CMIP: variants seen among roughly 807,000 people sequenced by gnomAD.
CMIP encodes the protein c-Maf inducing protein.
Under a neutral mutation model 97.3 loss-of-function variants are expected in CMIP, and 13 were observed. That is an observed-to-expected ratio of 0.13 (90% CI 0.09 to 0.21). The LOEUF (loss-of-function observed/expected upper bound fraction) is 0.21. Among genes scored for constraint, CMIP ranks in the 10% least tolerant of loss-of-function variants. CMIP has a pLI of 1.00. For missense variants in CMIP, 847 were observed against 1,024.9 expected, an observed-to-expected ratio of 0.83 and a Z score of 2.37; for synonymous variants, 538 against 436.3, an observed-to-expected ratio of 1.23 and a Z score of -2.91.
intron 1 of CMIP, among the ~76,000 whole-genome samples, chr16:81,477,826 C>G (rs1908021852): frequency 6.6e-6 from 1 of 152,210 alleles, no homozygotes; most frequent in Non-Finnish European, 1.5e-5. Context: ...TTTTGCCTGC[C>G]TTCCAGTTAG....
chr16:81,549,176 G>A (rs1359492918), intron 1 of CMIP, among the ~76,000 whole-genome samples: 1 of 152,370 alleles, frequency 6.6e-6, no homozygotes, highest in African/African-American at 2.4e-5. Flanking sequence ...CAGACCCTAA[G>A]TGCAGGTTGC....
At chr16:81,603,553 T>C (rs2091692998) in intron 1 of CMIP, 1 of 424,540 alleles carries the variant, frequency 2.4e-6, no homozygotes, top group Non-Finnish European at 4.7e-6. Flanking sequence ...GATACATGAT[T>C]GCCGAAGTCC....
intron 1 of CMIP, among the ~76,000 whole-genome samples, chr16:81,452,885 G>GTTTTTTTTTTTTTTTT (rs558606255): frequency 1.0e-3 from 131 of 129,176 alleles, no homozygotes; most frequent in Non-Finnish European, 1.5e-3. Context: ...TTTTTGTTTT[G>GTTTTTTTTTTTTTTTT]TTTTTTTTTT....
At chr16:81,461,604 G>C (rs748042200) in intron 1 of CMIP, among the ~76,000 whole-genome samples, 4 of 152,216 alleles carry the variant, frequency 2.6e-5, no homozygotes, top group Non-Finnish European at 5.9e-5. Context: ...GCCCAGAGTC[G>C]TTAAATGACC....
At chr16:81,537,505 A>T (rs910967860) in intron 1 of CMIP, among the ~76,000 whole-genome samples, 3 of 138,176 alleles carry the variant, frequency 2.2e-5, no homozygotes, top group African/African-American at 8.2e-5. Flanking sequence ...ACCGTACTCC[A>T]GCTTGGGTGA....
intron 1 of CMIP, among the ~76,000 whole-genome samples, chr16:81,492,647 G>A (rs2089423566): frequency 6.6e-6 from 1 of 152,148 alleles, no homozygotes; most frequent in Admixed American, 6.5e-5. Context: ...AAGGCGCCTT[G>A]GGAGGAGGAG....
chr16:81,668,477 T>C (rs1447969579), intron 7 of CMIP, among the ~76,000 whole-genome samples: 2 of 152,176 alleles, frequency 1.3e-5, no homozygotes, highest in East Asian at 3.9e-4. Flanking sequence ...GAGCTCTCTG[T>C]GCCGTGGCCC....
At chr16:81,649,761 C>T (rs2092405976) in intron 3 of CMIP, among the ~76,000 whole-genome samples, 1 of 152,182 alleles carries the variant, frequency 6.6e-6, no homozygotes, top group Non-Finnish European at 1.5e-5. Context: ...AAATGTAAGA[C>T]ACGGGTGTGG....
At position 81,525,992 on chromosome 16, in the gene CMIP, G is replaced by GTC. The variant is rs1307791442; in HGVS notation, c.300+80452_300+80453insCT. On this transcript the variant is annotated intron_variant, in intron 1 of 20. Coordinates refer to ENST00000537098, the MANE Select transcript of CMIP (RefSeq NM_198390.3). ...ACTAATAATACGTGTGTGTGTGTGT[G>GTC]TGTGTGTGTGTGTGTCTGTGTGTGT... 6.6e-4 allele frequency among the ~76,000 whole-genome samples: 22 copies of GTC among 33,256 alleles called. No individual in the cohort carries two copies. The East Asian group carries it at 8.5e-3, about 13-fold the overall frequency. The allele number at this position is 33,256 out of a possible 152,430, so 21.8% of individuals were successfully genotyped here.
chr16:81,556,823 A>C (rs1288655485), intron 1 of CMIP, among the ~76,000 whole-genome samples: 1 of 152,244 alleles, frequency 6.6e-6, no homozygotes, highest in African/African-American at 2.4e-5. Flanking sequence ...GGAGACACCC[A>C]GTTTAAGGGA....
chr16:81,484,428 G>A (rs76668324), intron 1 of CMIP, among the ~76,000 whole-genome samples: 2 of 152,308 alleles, frequency 1.3e-5, no homozygotes, highest in African/African-American at 2.4e-5. Context: ...AAGGGTAGAC[G>A]GGTTGGGCGC....
chr16:81,677,772 G>C (rs1904421059), intron 9 of CMIP, among the ~76,000 whole-genome samples: 1 of 152,200 alleles, frequency 6.6e-6, no homozygotes, highest in African/African-American at 2.4e-5. Flanking sequence ...CAGATACTGA[G>C]CTTGCTCACT....
chr16:81,706,367 C>T (rs1042162267), intron 19 of CMIP, among the ~76,000 whole-genome samples: 1 of 152,180 alleles, frequency 6.6e-6, no homozygotes, highest in Admixed American at 6.5e-5. Context: ...CCTACCGGGC[C>T]GCTGGCAAAT....
chr16:81,473,217 G>A lies in CMIP; in HGVS notation c.300+27676G>A, dbSNP rs550922514. Among the ~76,000 whole-genome samples, 7 of 152,356 alleles carry A rather than the reference G, an allele frequency of 4.6e-5. No individual in the cohort carries two copies. The East Asian group carries it at 1.2e-3, about 25-fold the overall frequency. On this transcript the variant is annotated intron_variant, in intron 1 of 20. Coordinates refer to ENST00000537098, the MANE Select transcript of CMIP (RefSeq NM_198390.3). ...TCGGCCTCTGTCTCTGCAGGACGAC[G>A]TGAACAGGCTGCGGCTGTCACTGAC...
chr16:81,466,506 T>C (rs1200401859), intron 1 of CMIP, among the ~76,000 whole-genome samples: 2 of 152,244 alleles, frequency 1.3e-5, no homozygotes, highest in South Asian at 2.1e-4. Flanking sequence ...CGAGCCTCAG[T>C]TTCCTTGTCT....
At chr16:81,555,022 G>A (rs1275229151) in intron 1 of CMIP, among the ~76,000 whole-genome samples, 1 of 152,180 alleles carries the variant, frequency 6.6e-6, no homozygotes, top group Non-Finnish European at 1.5e-5. Context: ...TACAGTGGGA[G>A]GGGCACCAGC....
chr16:81,458,175 C>T (rs990351786), intron 1 of CMIP, among the ~76,000 whole-genome samples: 1 of 152,142 alleles, frequency 6.6e-6, no homozygotes, highest in Non-Finnish European at 1.5e-5. Flanking sequence ...GATAGGGACC[C>T]TGGCTTCTCA....
chr16:81,675,587 T>G (rs1428241967), intron 9 of CMIP, among the ~76,000 whole-genome samples: 1 of 152,168 alleles, frequency 6.6e-6, no homozygotes, highest in Non-Finnish European at 1.5e-5. Context: ...TTAAAATAGA[T>G]TCCTGGCTGC....
chr16:81,702,606 C>G lies in CMIP; in HGVS notation c.1897-16C>G. The G allele has an allele frequency of 1.9e-6, 3 of 1,612,452 alleles. No individual in the cohort carries two copies. The highest frequency in any genetic ancestry group is 2.5e-6 in the Non-Finnish European group (3 of 1,179,116). On this transcript the variant is annotated splice_polypyrimidine_tract_variant and intron_variant, in intron 16 of 20. Coordinates refer to ENST00000537098, the MANE Select transcript of CMIP (RefSeq NM_198390.3). ...GGGGAAAAGAATGGTTGTAACCAGC[C>G]TGGTTTCTGTTGCAGCAAAGGAAAG...
Sources: gnomAD v4.1 joint callset for allele counts (sites outside exome capture counted in the v4.1 genomes callset) on GRCh38, gnomAD v4.1.1 for gene constraint, MANE v1.5 for transcripts, NCBI Gene and HGNC (gene_info 2026-07-23, HGNC 2026-07-21) for gene names.